DLC1: variants seen among roughly 807,000 people sequenced by gnomAD.
DLC1 encodes DLC1 Rho GTPase activating protein.
A neutral mutation model predicts 140.3 loss-of-function variants in DLC1; 54 were observed. The observed-to-expected ratio is 0.38, with a 90% confidence interval of 0.31 to 0.48. DLC1 has a LOEUF of 0.48. Ranked by LOEUF, DLC1 falls within the 20% of genes least tolerant of loss-of-function variation. DLC1 has a pLI of 0.96. For synonymous variants in DLC1, 986 were observed against 728.1 expected, an observed-to-expected ratio of 1.35 and a Z score of -5.70; for missense variants, 2,536 against 1,907.0, an observed-to-expected ratio of 1.33 and a Z score of -6.14.
At chr8:13,552,716 G>T in intron 1 of DLC1, among the ~76,000 whole-genome samples, 1 of 151,622 alleles carries the variant, frequency 6.6e-6, no homozygotes, top group Middle Eastern at 4.1e-3. Context: ...GTTTTTTAAA[G>T]GGTTTTGTCA....
intron 4 of DLC1, among the ~76,000 whole-genome samples, chr8:13,381,373 G>C (rs1402582654): frequency 6.6e-6 from 1 of 152,174 alleles, no homozygotes; most frequent in Non-Finnish European, 1.5e-5. Context: ...GGAGATCACA[G>C]GTGTGGTAGC....
intron 1 of DLC1, among the ~76,000 whole-genome samples, chr8:13,553,806 A>T (rs1234446551): frequency 6.6e-6 from 1 of 152,142 alleles, no homozygotes; most frequent in African/African-American, 2.4e-5. Context: ...AGGTCACCCA[A>T]GTCCTCCGCA....
intron 2 of DLC1, among the ~76,000 whole-genome samples, chr8:13,436,986 C>T (rs74515132): frequency 0.015 from 2,275 of 152,250 alleles, 29 homozygotes; most frequent in Non-Finnish European, 0.023. Context: ...GCTTATTTAA[C>T]ACCTTTGGTT....
chr8:13,523,398 G>A lies in DLC1; in HGVS notation c.-125-23202C>T, dbSNP rs114207441. ...AAAGGAAATCCTAGAGATAAAGCAA[G>A]TCTTGTGAGACAGAGTTCAGAATTT... is the stretch of plus-strand genomic sequence containing the variant. On this transcript the variant is annotated intron_variant, in intron 1 of 1. Transcript: ENST00000631382. Among the ~76,000 whole-genome samples the A allele has an allele frequency of 3.6e-3, 550 of 152,278 alleles. 7 individuals carry two copies. The highest frequency in any genetic ancestry group is 0.012 in the African/African-American group (515 of 41,560).
intron 1 of DLC1, chr8:13,604,430 A>G (rs951514289): frequency 1.2e-4 from 19 of 152,202 alleles, no homozygotes; most frequent in African/African-American, 7.2e-5. Context: ...AAAATATGTG[A>G]CAATATTTTT....
intron 1 of DLC1, among the ~76,000 whole-genome samples, chr8:13,523,656 G>C (rs1802827054): frequency 6.6e-6 from 1 of 152,150 alleles, no homozygotes; most frequent in Non-Finnish European, 1.5e-5. Context: ...TAAGAAAGCA[G>C]AGGTCACTCT....
intron 5 of DLC1, among the ~76,000 whole-genome samples, chr8:13,218,908 G>A (rs181722294): frequency 3.1e-5 from 3 of 96,052 alleles, no homozygotes; most frequent in Admixed American, 1.2e-4. Context: ...AATTACATAC[G>A]AATATATAAT....
chr8:13,198,692 A>C (rs1352617697), intron 5 of DLC1, among the ~76,000 whole-genome samples: 1 of 150,890 alleles, frequency 6.6e-6, no homozygotes. Flanking sequence ...CCCTCAACCT[A>C]CAGATAAGGT....
intron 1 of DLC1, among the ~76,000 whole-genome samples, chr8:13,549,246 C>A (rs1165229776): frequency 6.6e-6 from 1 of 151,906 alleles, no homozygotes; most frequent in Admixed American, 6.6e-5. Flanking sequence ...CGAGGTGATA[C>A]GTCCATGAGT....
At chr8:13,385,301 G>A (rs1481821380) in intron 4 of DLC1, among the ~76,000 whole-genome samples, 1 of 152,104 alleles carries the variant, frequency 6.6e-6, no homozygotes, top group Non-Finnish European at 1.5e-5. Flanking sequence ...GCAATCTACA[G>A]TAAAGAGGAA....
At chr8:13,551,439 C>G (rs141447662) in intron 1 of DLC1, among the ~76,000 whole-genome samples, 31 of 151,990 alleles carry the variant, frequency 2.0e-4, no homozygotes, top group African/African-American at 4.6e-4. Context: ...TGCCTAAGAA[C>G]GAGTCTATGG....
intron 1 of DLC1, among the ~76,000 whole-genome samples, chr8:13,547,532 T>A (rs2117346495): frequency 6.6e-6 from 1 of 152,186 alleles, no homozygotes; most frequent in South Asian, 2.1e-4. Flanking sequence ...CATTTCTTGT[T>A]CTCTGTCCTC....
intron 16 of DLC1, 85 bp from the exon 17 acceptor site, chr8:13,086,548 G>T: frequency 3.3e-6 from 5 of 1,502,874 alleles, no homozygotes; most frequent in Non-Finnish European, 4.5e-6. Context: ...ACTATTTGCA[G>T]TGTGGTGACG....
chr8:13,387,065 G>A (rs888649601), intron 4 of DLC1, among the ~76,000 whole-genome samples: 8 of 151,948 alleles, frequency 5.3e-5, no homozygotes, highest in African/African-American at 1.4e-4. Context: ...ATTTTTTGAT[G>A]TTTCTGAAGA....
At chr8:13,425,195 T>A (rs564503889) in intron 2 of DLC1, among the ~76,000 whole-genome samples, 1 of 152,222 alleles carries the variant, frequency 6.6e-6, no homozygotes, top group East Asian at 1.9e-4. Context: ...AGCGGCTGTT[T>A]CCCACAAACT....
At chr8:13,266,726 T>C (rs1830702221) in intron 5 of DLC1, among the ~76,000 whole-genome samples, 1 of 151,488 alleles carries the variant, frequency 6.6e-6, no homozygotes, top group African/African-American at 2.4e-5. Flanking sequence ...GCCTGGGCAA[T>C]AGAGAAAGAC....
chr8:13,288,557 C>A (rs1831626362), intron 5 of DLC1, among the ~76,000 whole-genome samples: 1 of 152,212 alleles, frequency 6.6e-6, no homozygotes, highest in South Asian at 2.1e-4. Context: ...TCAATGCTTT[C>A]TTTCCCTCCT....
chr8:13,098,675 G>A, intron 9 of DLC1, 100 bp from the exon 10 acceptor site: 3 of 1,270,804 alleles, frequency 2.4e-6, no homozygotes, highest in Non-Finnish European at 3.2e-6. Flanking sequence ...GAGTGCAGTG[G>A]TGCCATCACA....
intron 5 of DLC1, among the ~76,000 whole-genome samples, chr8:13,210,814 T>C (rs1344402500): frequency 6.6e-6 from 1 of 152,182 alleles, no homozygotes; most frequent in Non-Finnish European, 1.5e-5. Flanking sequence ...GAAAACCAAA[T>C]ACAGCATTTG....
Sources: gnomAD v4.1 joint callset for allele counts (sites outside exome capture counted in the v4.1 genomes callset) on GRCh38, gnomAD v4.1.1 for gene constraint, MANE v1.5 for transcripts, NCBI Gene and HGNC (gene_info 2026-07-23, HGNC 2026-07-21) for gene names.